Variants in BAHCC1 observed in about 807,000 individuals in gnomAD.
BAHCC1 encodes BAH and coiled-coil domain-containing protein 1.
A neutral mutation model predicts 88.2 loss-of-function variants in BAHCC1; 43 were observed. That is an observed-to-expected ratio of 0.49 (90% confidence interval 0.38 to 0.63). The LOEUF is 0.63. BAHCC1 is among the 20% of genes least tolerant of loss of function. The probability of loss-of-function intolerance (pLI) is 0.00; values close to 1 mark genes in which losing one functional copy is unlikely to be tolerated. For synonymous variants in BAHCC1, 1,510 were observed against 745.5 expected (o/e 2.03, Z -16.71); for missense variants, 3,023 against 1,654.8 (o/e 1.83, Z -14.34).
chr17:81,458,865 A>G lies in BAHCC1; in HGVS notation c.5501A>G (p.Asp1834Gly). The change falls in exon 20 of 28, where the codon GAC becomes GGC. Residue 1834 changes from aspartate (D) to glycine (G), a missense_variant. Coordinates refer to ENST00000675386, the MANE Select transcript of BAHCC1 (RefSeq NM_001377448.1). ...CTGGAAAGCTTCGCCGTGGAGGAAG[A>G]CTTTGAGTTCGACGACAACAGCAGC... is the stretch of plus-strand genomic sequence containing the variant. ...RLLESFAVEE[D>G]FEFDDNSSFS... 1.3e-6 allele frequency: 1 copy of G among 773,708 alleles called. No homozygotes were observed. Among genetic ancestry groups the G allele is most frequent in the Non-Finnish European group, 2.4e-6 (1 of 413,666 alleles). 47.9% of individuals were successfully genotyped at this position (773,708 alleles called of 1,614,324 possible). A position where few individuals can be genotyped will look rare whatever the true frequency, so the allele number is the denominator to read the frequency against.
rs1421906103 is a variant in BAHCC1, at chr17:81,445,477, C to A, written c.2959C>A (p.Pro987Thr). The A allele has an allele frequency of 5.3e-6, 4 of 753,636 alleles. No homozygotes were observed. In the Admixed American group the frequency reaches 7.1e-5, roughly 13 times the overall value. 46.7% of individuals were successfully genotyped at this position (753,636 alleles called of 1,614,324 possible). ...GGGCGCCCCCTCACCCGCTGCAGGCCCCACCAAGCTGCCACCTTGCTGCCA... is the reference window on the plus strand; with the variant it reads ...GGGCGCCCCCTCACCCGCTGCAGGCACCACCAAGCTGCCACCTTGCTGCCA... The part of the protein sequence containing the change: ...APGAPSPAAG[P>T]TKLPPCCHPP... Residue 987 changes from proline (P) to threonine (T), a missense_variant, in exon 10 of 28, where the codon CCC becomes ACC. Physicochemically the swap from Pro to Thr is conservative, Grantham distance 38 (BLOSUM62 -1). Coordinates refer to ENST00000675386, the MANE Select transcript of BAHCC1 (RefSeq NM_001377448.1).
At position 81,445,091 on chromosome 17, in the gene BAHCC1, G is replaced by A. The variant is rs543374343; in HGVS notation, c.2748G>A (p.Pro916=). The A allele has an allele frequency of 1.5e-4, 117 of 771,190 alleles. No homozygotes were observed. Among genetic ancestry groups the A allele is most frequent in the Admixed American group, 2.8e-4 (16 of 58,108 alleles). 47.8% of individuals were successfully genotyped at this position (771,190 alleles called of 1,614,324 possible). Residue 916 remains proline, a synonymous_variant, in exon 9 of 28, where the codon CCG becomes CCA. Transcript: ENST00000675386. The stretch of plus-strand genomic sequence containing the variant: ...GCCCCGCCTCTCACATGCAGCACCC[G>A]GGCCAGCTCCCTGTGTACTCGAGGC... ...GRGPASHMQH[P]GQLPVYSRPQ...
intron 10 of BAHCC1, 79 bp from the exon 11 acceptor site, chr17:81,446,957 C>A: frequency 1.3e-6 from 1 of 754,938 alleles, no homozygotes; most frequent in Non-Finnish European, 2.4e-6. Context: ...GGGTTCGAGG[C>A]CACTGTCCTC....
Position 81,399,971 on chromosome 17 carries a change from G to A in BAHCC1, c.178+54G>A. On this transcript the variant is annotated intron_variant, in intron 2 of 27. Transcript: ENST00000675386. This position sits in a 1 kb window ranked among gnomAD's most constrained non-coding sequence, Gnocchi z 4.5. ...ACGGGAGCGTTCGAGAGCGGAACAG[G>A]GCGCCCACCCCTCCGCTCCCGGGAG... is the stretch of plus-strand genomic sequence containing the variant. The A allele has an allele frequency of 8.0e-7, 1 of 1,253,762 alleles. No homozygotes were observed. The highest frequency in any genetic ancestry group is 2.3e-5 in the South Asian group (1 of 44,080). The allele number at this position is 1,253,762 out of a possible 1,614,324, so 77.7% of individuals were successfully genotyped here.
At chr17:81,440,050 A>G (rs948298899) in intron 4 of BAHCC1, among the ~76,000 whole-genome samples, 1 of 152,066 alleles carries the variant, frequency 6.6e-6, no homozygotes, top group African/African-American at 2.4e-5. Context: ...GGGGCCAGGA[A>G]CTCACCACCA....
rs1568003474 is a variant in BAHCC1, at chr17:81,418,814, T to TGTGTGTGTAC, written c.179-7978_179-7977insACGTGTGTGT. ...GTGTGTGCGTGTGTGTGTGTACGTGTGTGTGTGTGTGTGTGTGTAGCCACT... is the reference window on the plus strand; with the variant it reads ...GTGTGTGCGTGTGTGTGTGTACGTGTGTGTGTGTACGTGTGTGTGTGTGTGTGTAGCCACT... On this transcript the variant is annotated intron_variant, in intron 2 of 27. Transcript: ENST00000675386. Among the ~76,000 whole-genome samples, 184 of 96,984 alleles carry TGTGTGTGTAC rather than the reference T, an allele frequency of 1.9e-3. 1 individual carries two copies. The highest frequency in any genetic ancestry group is 6.6e-3 in the African/African-American group (174 of 26,238). The allele number at this position is 96,984 out of a possible 152,430, so 63.6% of individuals were successfully genotyped here.
Position 81,445,027 on chromosome 17 carries a change from A to T in BAHCC1, c.2684A>T (p.Asp895Val). 1 of 763,626 alleles carries T rather than the reference A, an allele frequency of 1.3e-6. No homozygotes were observed. The highest frequency in any genetic ancestry group is 1.7e-5 in the African/African-American group (1 of 58,762). 47.3% of individuals were successfully genotyped at this position (763,626 alleles called of 1,614,324 possible). A position where few individuals can be genotyped will look rare whatever the true frequency, so the allele number is the denominator to read the frequency against. ...GCCCTGCCCACAGCGGATGTCATGGACCAGGCGTCACTGTGGCCCCCCATG... is the reference window on the plus strand; with the variant it reads ...GCCCTGCCCACAGCGGATGTCATGGTCCAGGCGTCACTGTGGCCCCCCATG... ...SAPHALADVMDQASLWPPMYG... is the reference protein window; with the variant it reads ...SAPHALADVMVQASLWPPMYG... The change falls in exon 9 of 28, where the codon GAC becomes GTC. Residue 895 changes from aspartate to valine, a missense_variant. Transcript: ENST00000675386.
At chr17:81,403,265 C>T (rs535399692) in intron 2 of BAHCC1, among the ~76,000 whole-genome samples, 3 of 152,298 alleles carry the variant, frequency 2.0e-5, no homozygotes, top group Admixed American at 1.3e-4. Context: ...GGCCAGGGCT[C>T]CACCAAGGCA....
Position 81,447,589 on chromosome 17 carries a change from C to G in BAHCC1, c.3717C>G (p.Asp1239Glu), listed in dbSNP as rs1174056933. ...AGCTGGGGCAGCAGAGCATGGAGGACTCAGAGGAGGACTGTGGCGGAGCTC... is the reference window on the plus strand; with the variant it reads ...AGCTGGGGCAGCAGAGCATGGAGGAGTCAGAGGAGGACTGTGGCGGAGCTC... ...EDELGQQSME[D>E]SEEDCGGAPD... Residue 1239 changes from aspartate (D) to glutamate (E), a missense_variant, in exon 11 of 28, where the codon GAC becomes GAG. Asp to Glu is a conservative substitution (Grantham distance 45). Transcript: ENST00000675386. 1 of 753,348 alleles carries G rather than the reference C, an allele frequency of 1.3e-6. No homozygotes were observed. Among genetic ancestry groups the G allele is most frequent in the Non-Finnish European group, 2.5e-6 (1 of 405,476 alleles). 46.7% of individuals were successfully genotyped at this position (753,348 alleles called of 1,614,324 possible). A position where few individuals can be genotyped will look rare whatever the true frequency, so the allele number is the denominator to read the frequency against.
In BAHCC1 at chr17:81,451,724, G is replaced by A; in HGVS notation, c.4033G>A (p.Ala1345Thr). The part of the protein sequence containing the change: ...NLQHLATLAT[A>T]WSLVEAAGLD... Reference sequence around the variant, plus strand: ...GCAGCACCTGGCCACGCTGGCCACAGCCTGGTCCCTGGTGGAGGCCGCTGG... The same window carrying A: ...GCAGCACCTGGCCACGCTGGCCACAACCTGGTCCCTGGTGGAGGCCGCTGG... The change falls in exon 12 of 28, where the codon GCC (alanine) becomes ACC (threonine). Residue 1345 changes from alanine to threonine, a missense_variant. By Grantham distance (58) the Ala-to-Thr change is moderately conservative (BLOSUM62 0). Coordinates refer to ENST00000675386, the MANE Select transcript of BAHCC1 (RefSeq NM_001377448.1). The A allele has an allele frequency of 3.9e-6, 3 of 776,590 alleles. No homozygotes were observed. Among genetic ancestry groups the A allele is most frequent in the Non-Finnish European group, 2.4e-6 (1 of 417,698 alleles). 48.1% of individuals were successfully genotyped at this position (776,590 alleles called of 1,614,324 possible). A position where few individuals can be genotyped will look rare whatever the true frequency, so the allele number is the denominator to read the frequency against.
Position 81,399,628 on chromosome 17 carries a change from C to G in BAHCC1, c.-112C>G. ...TGCTGACCGGCCCCGCCGCCACCAC[C>G]GCCTGTGACCCCGGACGCCGCCGCC... On this transcript the variant is annotated 5_prime_UTR_variant, in exon 2 of 28. Coordinates refer to ENST00000675386, the MANE Select transcript of BAHCC1 (RefSeq NM_001377448.1). The surrounding 1 kb of genome is among the most constrained non-coding windows in gnomAD (Gnocchi z 4.5). The G allele has an allele frequency of 1.4e-6, 1 of 709,018 alleles. No homozygotes were observed. Among genetic ancestry groups the G allele is most frequent in the Non-Finnish European group, 1.9e-6 (1 of 524,990 alleles). 43.9% of individuals were successfully genotyped at this position (709,018 alleles called of 1,614,324 possible). A position where few individuals can be genotyped will look rare whatever the true frequency, so the allele number is the denominator to read the frequency against.
In BAHCC1 at chr17:81,443,453, C is replaced by A. The variant is rs1555653333; in HGVS notation, c.2104C>A (p.Pro702Thr). The A allele has an allele frequency of 2.7e-6, 2 of 738,966 alleles. No homozygotes were observed. The highest frequency in any genetic ancestry group is 1.7e-5 in the African/African-American group (1 of 58,098). 45.8% of individuals were successfully genotyped at this position (738,966 alleles called of 1,614,324 possible). A position where few individuals can be genotyped will look rare whatever the true frequency, so the allele number is the denominator to read the frequency against. ...CGGCGACGGGGAGGTGCGGCAGCCC[C>A]CTGTGGGCATTGCAGTGGCCTTGGC... ...THGDGEVRQPPVGIAVALARQ... is the reference protein window; with the variant it reads ...THGDGEVRQPTVGIAVALARQ... Residue 702 changes from proline to threonine, a missense_variant, in exon 5 of 28, where the codon CCT becomes ACT. Physicochemically the swap from Pro to Thr is conservative, Grantham distance 38. Coordinates refer to ENST00000675386, the MANE Select transcript of BAHCC1 (RefSeq NM_001377448.1).
At position 81,399,827 on chromosome 17, in the gene BAHCC1, C is replaced by G; in HGVS notation, c.88C>G (p.Leu30Val). 7.5e-7 allele frequency: 1 copy of G among 1,335,550 alleles called. No homozygotes were observed. Among genetic ancestry groups the G allele is most frequent in the Non-Finnish European group, 9.6e-7 (1 of 1,044,556 alleles). 82.7% of individuals were successfully genotyped at this position (1,335,550 alleles called of 1,614,324 possible). A position where few individuals can be genotyped will look rare whatever the true frequency, so the allele number is the denominator to read the frequency against. The change falls in exon 2 of 28, where the codon CTC (leucine) becomes GTC (valine). Residue 30 changes from leucine to valine, a missense_variant. Physicochemically the swap from Leu to Val is conservative, Grantham distance 32 (BLOSUM62 1). Coordinates refer to ENST00000675386, the MANE Select transcript of BAHCC1 (RefSeq NM_001377448.1). The surrounding 1 kb of genome is among the most constrained non-coding windows in gnomAD (Gnocchi z 4.5). ...GHRSAAAAAR[L>V]APAGPAAQPP... ...CCGCAGCGCCGCTGCCGCCGCGCGTCTCGCCCCGGCTGGGCCCGCCGCGCA... is the reference window on the plus strand; with the variant it reads ...CCGCAGCGCCGCTGCCGCCGCGCGTGTCGCCCCGGCTGGGCCCGCCGCGCA...
rs372046807 is a variant in BAHCC1 at position 81,443,158 on chromosome 17, C to T, written c.1809C>T (p.Gly603=). Residue 603 remains glycine, a synonymous_variant, in exon 5 of 28, where the codon GGC becomes GGT. Transcript: ENST00000675386. ...AMAISEERKA[G]AYLDPFGSGL... ...CCATCAGCGAGGAGCGCAAGGCTGGCGCCTACCTGGACCCCTTTGGCAGTG... is the reference window on the plus strand; with the variant it reads ...CCATCAGCGAGGAGCGCAAGGCTGGTGCCTACCTGGACCCCTTTGGCAGTG... 3.7e-5 allele frequency: 29 copies of T among 778,282 alleles called. No individual in the cohort carries two copies. Among genetic ancestry groups the T allele is most frequent in the Non-Finnish European group, 5.5e-5 (23 of 417,198 alleles). The allele number at this position is 778,282 out of a possible 1,614,324, so 48.2% of individuals were successfully genotyped here. A position where few individuals can be genotyped will look rare whatever the true frequency, so the allele number is the denominator to read the frequency against.
At chr17:81,413,633 G>A (rs1255836578) in intron 2 of BAHCC1, among the ~76,000 whole-genome samples, 4 of 152,216 alleles carry the variant, frequency 2.6e-5, no homozygotes, top group Non-Finnish European at 2.9e-5. Context: ...AGCAGACCCC[G>A]AAGCAGCCAC....
chr17:81,463,680 G>C lies in BAHCC1; in HGVS notation c.7690G>C (p.Val2564Leu), dbSNP rs782762646. 1 of 779,682 alleles carries C rather than the reference G, an allele frequency of 1.3e-6. No individual in the cohort carries two copies. Among genetic ancestry groups the C allele is most frequent in the Non-Finnish European group, 2.4e-6 (1 of 417,898 alleles). 48.3% of individuals were successfully genotyped at this position (779,682 alleles called of 1,614,324 possible). The change falls in exon 28 of 28, where the codon GTG becomes CTG. Residue 2564 changes from valine (V) to leucine (L), a missense_variant. Transcript: ENST00000675386. ...GACCATCTCCCACAAGTGCCAGGTC[G>C]TGGCGCGCGAGCAGTATGAGCAGAT... ...VQTISHKCQV[V>L]AREQYEQMAR...
rs192639444 is a variant in BAHCC1 at position 81,455,690 on chromosome 17, C to G, written c.4569+300C>G. 5.1e-4 allele frequency among the ~76,000 whole-genome samples: 78 copies of G among 152,352 alleles called. 1 individual carries two copies. In the South Asian group the frequency reaches 0.016, roughly 30 times the overall value. ...CTCTGCTCACAGAGACTCCCTGGAA[C>G]GAGGCCCTGCCTTTCTTCAGGTGGC... On this transcript the variant is annotated intron_variant, in intron 15 of 27. Transcript: ENST00000675386.
At chr17:81,407,098 G>A (rs781926867) in intron 2 of BAHCC1, among the ~76,000 whole-genome samples, 35 of 152,200 alleles carry the variant, frequency 2.3e-4, no homozygotes, top group Non-Finnish European at 4.0e-4. Context: ...GCCCCTCTCC[G>A]GGGTCTGTGG....
At chr17:81,440,641 T>C (rs2064398330) in intron 4 of BAHCC1, among the ~76,000 whole-genome samples, 1 of 152,108 alleles carries the variant, frequency 6.6e-6, no homozygotes, top group South Asian at 2.1e-4. Flanking sequence ...TGTGGGGCGA[T>C]GGGTAACCCC....
Sources: gnomAD v4.1 joint callset for allele counts (sites outside exome capture counted in the v4.1 genomes callset) on GRCh38, gnomAD v4.1.1 for gene constraint, Gnocchi (gnomAD v3.1) non-coding constraint, MANE v1.5 for transcripts, NCBI Gene and HGNC (gene_info 2026-07-23, HGNC 2026-07-21) for gene names.